Variants in TTC39C observed in about 807,000 individuals in gnomAD.
The protein encoded by TTC39C is tetratricopeptide repeat protein 39C.
In TTC39C, 33 loss-of-function variants were observed where a neutral mutation model predicts 76.3. The ratio of observed to expected loss-of-function variants is 0.43; its 90% CI spans 0.33 to 0.58. The LOEUF (loss-of-function observed/expected upper bound fraction) is 0.58. TTC39C is among the 20% of genes least tolerant of loss of function. TTC39C has a pLI of 0.04. For synonymous variants in TTC39C, 254 were observed against 260.6 expected (o/e 0.97, Z 0.24); for missense variants, 595 against 701.4 (o/e 0.85, Z 1.71).
intron 6 of TTC39C, among the ~76,000 whole-genome samples, chr18:24,086,426 G>A (rs10164032): frequency 0.75 from 114,741 of 152,046 alleles, 45,811 homozygotes; most frequent in Non-Finnish European, 0.89. Context: ...AACTTTTTAC[G>A]TACTTTGCCT....
chr18:24,016,345 C>T (rs938220617), intron 1 of TTC39C, among the ~76,000 whole-genome samples: 1 of 152,160 alleles, frequency 6.6e-6, no homozygotes, highest in Non-Finnish European at 1.5e-5. Flanking sequence ...ACTTGTCACA[C>T]AATTTCTCTT....
At chr18:24,011,209 C>T (rs1568402866), upstream of TTC39C, among the ~76,000 whole-genome samples, 1 of 152,194 alleles carries the variant, frequency 6.6e-6, no homozygotes, top group Non-Finnish European at 1.5e-5. Context: ...AGGTTCTACC[C>T]ATCCAGGTCC....
At chr18:24,045,327 C>CATTGTAACA (rs1394065766) in intron 1 of TTC39C, among the ~76,000 whole-genome samples, 1 of 149,476 alleles carries the variant, frequency 6.7e-6, no homozygotes, top group Non-Finnish European at 1.5e-5. Context: ...TGAGAATCTG[C>CATTGTAACA]ATTGTAACAA....
chr18:23,995,163 A>C (rs770844369), intron 1 of TTC39C, among the ~76,000 whole-genome samples: 7 of 152,062 alleles, frequency 4.6e-5, no homozygotes, highest in Admixed American at 2.6e-4. Flanking sequence ...TTGTCATTTC[A>C]AGACTGTTAA....
Position 24,014,849 on chromosome 18 carries a change from C to T in TTC39C, c.-23C>T. On this transcript the variant is annotated 5_prime_UTR_variant, in exon 1 of 14. Transcript: ENST00000317571. Reference sequence around the variant, plus strand: ...CAGCTGCTCCCGATCTCGCCTCGGCCCAGCGCAGGGCCTCGCACGCCCATG... The same window carrying T: ...CAGCTGCTCCCGATCTCGCCTCGGCTCAGCGCAGGGCCTCGCACGCCCATG... 7.7e-7 allele frequency: 1 copy of T among 1,299,916 alleles called. No individual in the cohort carries two copies. Among genetic ancestry groups the T allele is most frequent in the East Asian group, 3.3e-5 (1 of 30,192 alleles). The allele number at this position is 1,299,916 out of a possible 1,614,324, so 80.5% of individuals were successfully genotyped here.
At chr18:24,118,284 G>T (rs762531774) in intron 8 of TTC39C, 52 bp downstream of exon 8, 8 of 1,441,028 alleles carry the variant, frequency 5.6e-6, no homozygotes, top group Non-Finnish European at 7.7e-6. Flanking sequence ...GAATTAGCTC[G>T]CCTGACGTGG....
chr18:24,100,746 G>A (rs894132151), intron 6 of TTC39C, among the ~76,000 whole-genome samples: 3 of 152,192 alleles, frequency 2.0e-5, no homozygotes, highest in Non-Finnish European at 4.4e-5. Context: ...TTGCTTTCAC[G>A]TCAGGCAGTT....
At chr18:24,042,393 C>T (rs1367125991) in intron 1 of TTC39C, among the ~76,000 whole-genome samples, 1 of 152,130 alleles carries the variant, frequency 6.6e-6, no homozygotes, top group Non-Finnish European at 1.5e-5. Context: ...TATACACAAC[C>T]TAGACCCCCC....
chr18:24,131,197 A>T (rs1462227226), intron 12 of TTC39C, among the ~76,000 whole-genome samples: 1 of 136,298 alleles, frequency 7.3e-6, no homozygotes, highest in African/African-American at 2.5e-5. Flanking sequence ...CAACAGAGCA[A>T]GACCCTGTCT....
At chr18:24,059,305 A>G (rs1031134826) in intron 1 of TTC39C, among the ~76,000 whole-genome samples, 1 of 152,190 alleles carries the variant, frequency 6.6e-6, no homozygotes, top group African/African-American at 2.4e-5. Context: ...AGATTATTTC[A>G]TCACCCAGGT....
At chr18:24,074,556 A>G (rs1158674935) in intron 4 of TTC39C, among the ~76,000 whole-genome samples, 2 of 152,206 alleles carry the variant, frequency 1.3e-5, no homozygotes, top group Non-Finnish European at 2.9e-5. Flanking sequence ...AAAAATGCTC[A>G]TCATCACCGG....
intron 6 of TTC39C, among the ~76,000 whole-genome samples, chr18:24,086,349 T>C (rs181224857): frequency 2.6e-5 from 4 of 152,330 alleles, no homozygotes; most frequent in East Asian, 1.9e-4. Flanking sequence ...TGCCCGTCAG[T>C]GTTCATTCTT....
chr18:24,025,809 A>G (rs1385744930), intron 1 of TTC39C, among the ~76,000 whole-genome samples: 1 of 152,186 alleles, frequency 6.6e-6, no homozygotes, highest in African/African-American at 2.4e-5. Flanking sequence ...GAACAGCACA[A>G]TAGCAGGGTC....
In TTC39C at chr18:23,995,193, C is replaced by T. The variant is rs540875446; in HGVS notation, c.-17+2155C>T. On this transcript the variant is annotated intron_variant, in intron 1 of 13. Transcript: ENST00000304621. The stretch of plus-strand genomic sequence containing the variant: ...TGTTAAATAAATGGAATCGGCCAGG[C>T]GTGGTAGCTCATGTATGTAATTCTA... 8.2e-3 allele frequency among the ~76,000 whole-genome samples: 1,248 copies of T among 152,208 alleles called. 9 individuals carry two copies. The highest frequency in any genetic ancestry group is 0.012 in the Non-Finnish European group (800 of 68,018).
At chr18:24,042,387 C>T (rs2145692760) in intron 1 of TTC39C, among the ~76,000 whole-genome samples, 1 of 152,280 alleles carries the variant, frequency 6.6e-6, no homozygotes, top group South Asian at 2.1e-4. Flanking sequence ...AAGAAGTATA[C>T]ACAACCTAGA....
At chr18:24,084,478 C>G (rs1184762213) in intron 6 of TTC39C, among the ~76,000 whole-genome samples, 1 of 151,276 alleles carries the variant, frequency 6.6e-6, no homozygotes, top group Non-Finnish European at 1.5e-5. Flanking sequence ...GAGTGAGACT[C>G]CATCTCAAAA....
intron 1 of TTC39C, among the ~76,000 whole-genome samples, chr18:24,005,731 T>C (rs1272299191): frequency 6.6e-6 from 1 of 151,332 alleles, no homozygotes; most frequent in Non-Finnish European, 1.5e-5. Context: ...ATGTGTAGCC[T>C]GCAGTCAGGA....
chr18:24,029,382 G>A (rs185971704), intron 1 of TTC39C, among the ~76,000 whole-genome samples: 60 of 152,320 alleles, frequency 3.9e-4, no homozygotes, highest in Non-Finnish European at 1.2e-4. Flanking sequence ...GATTACAGGC[G>A]TGAGCCACCA....
At chr18:24,047,510 A>G (rs1169593063) in intron 1 of TTC39C, among the ~76,000 whole-genome samples, 1 of 152,210 alleles carries the variant, frequency 6.6e-6, no homozygotes, top group Non-Finnish European at 1.5e-5. Flanking sequence ...CTCAAAAATC[A>G]TAAGATGTCA....
Sources: gnomAD v4.1 joint callset for allele counts (sites outside exome capture counted in the v4.1 genomes callset) on GRCh38, gnomAD v4.1.1 for gene constraint, MANE v1.5 for transcripts, NCBI Gene and HGNC (gene_info 2026-07-23, HGNC 2026-07-21) for gene names.